The following CMIP variants were observed in gnomAD, a reference collection of about 807,000 sequenced individuals.
CMIP encodes the protein C-Maf-inducing protein.
A neutral mutation model predicts 97.3 loss-of-function variants in CMIP; 13 were observed. The ratio of observed to expected loss-of-function variants is 0.13; its 90% CI spans 0.09 to 0.21. The LOEUF is 0.21. CMIP is among the 10% of genes least tolerant of loss of function. The probability of loss-of-function intolerance (pLI) is 1.00; values close to 1 mark genes in which losing one functional copy is unlikely to be tolerated. For synonymous variants in CMIP, 538 were observed against 436.3 expected, an observed-to-expected ratio of 1.23 and a Z score of -2.91; for missense variants, 847 against 1,024.9, an observed-to-expected ratio of 0.83 and a Z score of 2.37.
At chr16:81,565,068 C>T (rs2966118) in intron 1 of CMIP, among the ~76,000 whole-genome samples, 5 of 151,616 alleles carry the variant, frequency 3.3e-5, no homozygotes, top group South Asian at 2.1e-4. Context: ...ACCCTTCAAG[C>T]GGGGCCTTAA....
At chr16:81,491,848 C>T (rs1020440572) in intron 1 of CMIP, among the ~76,000 whole-genome samples, 6 of 152,196 alleles carry the variant, frequency 3.9e-5, no homozygotes, top group Non-Finnish European at 7.3e-5. Context: ...ATTACAGGCA[C>T]AGTGAACATG....
chr16:81,526,135 C>T (rs949734267), intron 1 of CMIP, among the ~76,000 whole-genome samples: 2 of 152,086 alleles, frequency 1.3e-5, no homozygotes, highest in Non-Finnish European at 2.9e-5. Flanking sequence ...TCCCTGCTTT[C>T]AGTTTGTTTG....
chr16:81,597,928 G>A (rs1044352414), intron 1 of CMIP, among the ~76,000 whole-genome samples: 6 of 152,080 alleles, frequency 3.9e-5, no homozygotes, highest in Admixed American at 3.9e-4. Context: ...CCAGGTCTGG[G>A]CATAGGGTTG....
intron 7 of CMIP, among the ~76,000 whole-genome samples, chr16:81,668,444 C>T (rs950884312): frequency 2.0e-5 from 3 of 152,146 alleles, no homozygotes; most frequent in Non-Finnish European, 1.5e-5. Flanking sequence ...CTGGGCTGGG[C>T]GCCGACTTCC....
chr16:81,676,294 G>C (rs1033929967), intron 9 of CMIP, among the ~76,000 whole-genome samples: 1 of 151,848 alleles, frequency 6.6e-6, no homozygotes, highest in Non-Finnish European at 1.5e-5. Flanking sequence ...ACGTTTCGTG[G>C]GCTCAGGTCC....
At chr16:81,568,794 C>T (rs1274988266) in intron 1 of CMIP, among the ~76,000 whole-genome samples, 1 of 152,158 alleles carries the variant, frequency 6.6e-6, no homozygotes, top group East Asian at 1.9e-4. Context: ...CAGCAACCAG[C>T]CTCGCCATAA....
In CMIP at chr16:81,650,092, A is replaced by C. The variant is rs908396627; in HGVS notation, c.478-2111A>C. Among the ~76,000 whole-genome samples the C allele has an allele frequency of 3.9e-5, 6 of 152,318 alleles. No individual in the cohort carries two copies. The East Asian group carries it at 1.2e-3, about 29-fold the overall frequency. On this transcript the variant is annotated intron_variant, in intron 3 of 20. Coordinates refer to ENST00000537098, the MANE Select transcript of CMIP (RefSeq NM_198390.3). ...GACTGGGTGCGTCTCATCGTTAATG[A>C]AGTTCAGCCAGTAGTCACTGTCACC...
intron 3 of CMIP, among the ~76,000 whole-genome samples, chr16:81,639,006 C>G (rs1332337871): frequency 1.3e-5 from 2 of 152,182 alleles, no homozygotes; most frequent in Non-Finnish European, 2.9e-5. Flanking sequence ...GTGTGAAGAT[C>G]AGAGAGCCTT....
chr16:81,545,022 T>A (rs909493924), intron 1 of CMIP, among the ~76,000 whole-genome samples: 1 of 152,150 alleles, frequency 6.6e-6, no homozygotes, highest in African/African-American at 2.4e-5. Flanking sequence ...CACCCTGTGC[T>A]CCAGCCACAA....
At chr16:81,664,543 A>G in intron 7 of CMIP, 194 bp downstream of exon 7, 1 of 573,510 alleles carries the variant, frequency 1.7e-6, no homozygotes, top group Non-Finnish European at 3.1e-6. Flanking sequence ...CGGCAACAGG[A>G]AGAATCTTTT....
chr16:81,568,671 A>C (rs2287114), intron 1 of CMIP, among the ~76,000 whole-genome samples: 14,866 of 152,268 alleles, frequency 0.098, 952 homozygotes, highest in African/African-American at 0.18. Flanking sequence ...CTAACAGATC[A>C]GCAAGAGCCT....
chr16:81,600,201 G>A (rs746217284), intron 1 of CMIP, among the ~76,000 whole-genome samples: 3 of 150,954 alleles, frequency 2.0e-5, no homozygotes, highest in South Asian at 2.1e-4. Flanking sequence ...ATCACTTGAC[G>A]GGAGGCGGAG....
Position 81,606,368 on chromosome 16 carries a change from G to A in CMIP, c.301-1199G>A, listed in dbSNP as rs137966963. On this transcript the variant is annotated intron_variant, in intron 1 of 20. Transcript: ENST00000537098. The stretch of plus-strand genomic sequence containing the variant: ...GCATGGGAGAGCCAGGGAGGTGTTC[G>A]CTGTTATTCTTCTCAGCTGTGCTGC... Among the ~76,000 whole-genome samples the A allele has an allele frequency of 5.0e-3, 755 of 152,242 alleles. 5 individuals carry two copies. The highest frequency in any genetic ancestry group is 0.018 in the African/African-American group (730 of 41,534).
chr16:81,481,823 C>A (rs2966082), intron 1 of CMIP, among the ~76,000 whole-genome samples: 1 of 150,940 alleles, frequency 6.6e-6, no homozygotes, highest in Admixed American at 6.6e-5. Context: ...GGCAGCATCA[C>A]TCCAACCTCT....
intron 10 of CMIP, 104 bp from the exon 11 acceptor site, chr16:81,691,671 C>T: frequency 2.3e-6 from 2 of 856,396 alleles, no homozygotes; most frequent in Non-Finnish European, 2.0e-6. Context: ...CACTGACTAC[C>T]TGCCAGGCTC....
chr16:81,535,410 G>C (rs759751222), intron 1 of CMIP, among the ~76,000 whole-genome samples: 3 of 150,628 alleles, frequency 2.0e-5, no homozygotes, highest in Non-Finnish European at 4.4e-5. Context: ...TGTGTCTCAT[G>C]ATGCTTCCCT....
In CMIP at chr16:81,608,494, C is replaced by T. The variant is rs76951100; in HGVS notation, c.426+802C>T. Among the ~76,000 whole-genome samples, 1,260 of 152,268 alleles carry T rather than the reference C, an allele frequency of 8.3e-3. 15 individuals are homozygous for T. Among genetic ancestry groups the T allele is most frequent in the African/African-American group, 0.029 (1,202 of 41,548 alleles). On this transcript the variant is annotated intron_variant, in intron 2 of 20. Coordinates refer to ENST00000537098, the MANE Select transcript of CMIP (RefSeq NM_198390.3). ...ATCCTTAAGAGTGAGCGCCCTTTTT[C>T]TTTCCAGTACCTTTTACAAAATCTC... is the stretch of plus-strand genomic sequence containing the variant.
intron 20 of CMIP, among the ~76,000 whole-genome samples, chr16:81,707,730 T>C (rs1245812422): frequency 6.6e-6 from 1 of 152,182 alleles, no homozygotes; most frequent in Admixed American, 6.5e-5. Context: ...TTGGGAAGGT[T>C]GGAGGAGCCA....
chr16:81,552,999 C>T (rs1357198163), intron 1 of CMIP, among the ~76,000 whole-genome samples: 4 of 152,204 alleles, frequency 2.6e-5, no homozygotes, highest in East Asian at 3.8e-4. Flanking sequence ...AGGAAAGTCT[C>T]CTCTAAAGAC....
Sources: allele counts gnomAD v4.1 joint callset (sites outside exome capture counted in the v4.1 genomes callset), GRCh38; gene constraint gnomAD v4.1.1; transcripts MANE v1.5; gene names NCBI Gene and HGNC (gene_info 2026-07-23, HGNC 2026-07-21).